Variants in PCNX3 observed in about 807,000 individuals in gnomAD.
The protein encoded by PCNX3 is pecanex-like protein 3.
Under a neutral mutation model 207.2 loss-of-function variants are expected in PCNX3, and 58 were observed. That is an observed-to-expected ratio of 0.28 (90% CI 0.23 to 0.35). The LOEUF (loss-of-function observed/expected upper bound fraction) is 0.35. Ranked by LOEUF, PCNX3 falls within the 10% of genes least tolerant of loss-of-function variation. PCNX3 has a pLI of 1.00. For synonymous variants in PCNX3, 1,337 were observed against 1,183.5 expected (o/e 1.13, Z -2.66); for missense variants, 2,410 against 2,774.4 (o/e 0.87, Z 2.95).
rs779435017 is a variant in PCNX3, at chr11:65,622,382, C to A, written c.2357+16C>A. 6.3e-7 allele frequency: 1 copy of A among 1,585,500 alleles called. No individual in the cohort carries two copies. The highest frequency in any genetic ancestry group is 8.6e-7 in the Non-Finnish European group (1 of 1,168,848). ...TGCTGGACCGGTGAGTGTCCCGCAG[C>A]CTTGGCCCCCAATTCTTGGAAAGCC... On this transcript the variant is annotated intron_variant, in intron 11 of 34. Coordinates refer to ENST00000355703, the MANE Select transcript of PCNX3 (RefSeq NM_032223.4).
intron 8 of PCNX3, among the ~76,000 whole-genome samples, 196 bp from the exon 9 acceptor site, chr11:65,620,143 G>C (rs953994071): frequency 6.6e-6 from 1 of 152,224 alleles, no homozygotes; most frequent in African/African-American, 2.4e-5. Flanking sequence ...GTACAGGGGA[G>C]ATCTAAAGCT....
intron 10 of PCNX3, 111 bp from the exon 11 acceptor site, chr11:65,622,134 G>T (rs1855137628): frequency 1.4e-6 from 2 of 1,462,194 alleles, no homozygotes; most frequent in East Asian, 5.1e-5. Flanking sequence ...CCAGACCGGT[G>T]TGCTGAAGGG....
At chr11:65,619,260 A>T in intron 6 of PCNX3, 193 bp downstream of exon 6, 1 of 343,360 alleles carries the variant, frequency 2.9e-6, no homozygotes, top group Non-Finnish European at 4.1e-6. Context: ...ACCTGGCTCC[A>T]CATCCTTGAT....
intron 10 of PCNX3, 106 bp downstream of exon 10, chr11:65,621,072 G>A (rs967636716): frequency 6.4e-6 from 9 of 1,409,368 alleles, no homozygotes; most frequent in South Asian, 5.7e-5. Context: ...CAGGAGGGAC[G>A]GGCAGTGCTG....
At chr11:65,621,289 AGGG>A (rs1855082977) in intron 10 of PCNX3, among the ~76,000 whole-genome samples, 1 of 152,214 alleles carries the variant, frequency 6.6e-6, no homozygotes, top group South Asian at 2.1e-4. Flanking sequence ...GTTAGCAAGC[AGGG>A]ACCCTGTGAT....
chr11:65,623,035 G>A (rs1855193069), intron 11 of PCNX3, among the ~76,000 whole-genome samples: 1 of 152,160 alleles, frequency 6.6e-6, no homozygotes, highest in Non-Finnish European at 1.5e-5. Context: ...AAATCCAATA[G>A]AGAAGTCAGA....
At chr11:65,630,753 T>G (rs1347315121) in intron 27 of PCNX3, 149 bp downstream of exon 27, 12 of 1,198,522 alleles carry the variant, frequency 1.0e-5, no homozygotes, top group Non-Finnish European at 1.1e-6. Context: ...TCCCCTGAGG[T>G]GCCACTGCCA....
At position 65,625,094 on chromosome 11, in the gene PCNX3, A is replaced by G; in HGVS notation, c.2920-77A>G. The G allele has an allele frequency of 6.4e-7, 1 of 1,555,132 alleles. No individual in the cohort carries two copies. Among genetic ancestry groups the G allele is most frequent in the Non-Finnish European group, 8.8e-7 (1 of 1,139,960 alleles). On this transcript the variant is annotated intron_variant, in intron 16 of 34. Transcript: ENST00000355703. This position sits in a 1 kb window ranked among gnomAD's most constrained non-coding sequence, Gnocchi z 5.6. Reference sequence around the variant, plus strand: ...GGCGGGGCTGTGAACTGGGCTCAGCAGTGGCTTCTCACACGGGGGCAGCCC... The same window carrying G: ...GGCGGGGCTGTGAACTGGGCTCAGCGGTGGCTTCTCACACGGGGGCAGCCC...
At chr11:65,631,320 C>T (rs912974124) in intron 27 of PCNX3, among the ~76,000 whole-genome samples, 2 of 152,104 alleles carry the variant, frequency 1.3e-5, no homozygotes, top group Non-Finnish European at 2.9e-5. Flanking sequence ...TCAGCTTACC[C>T]CTTGAGAAGT....
At chr11:65,627,719 C>A in intron 22 of PCNX3, 137 bp downstream of exon 22, 1 of 1,089,420 alleles carries the variant, frequency 9.2e-7, no homozygotes, top group Non-Finnish European at 1.3e-6. Flanking sequence ...GCAGCAGCCT[C>A]TCAAGGAAGG....
chr11:65,620,252 T>C (rs1855016301), intron 8 of PCNX3, 87 bp from the exon 9 acceptor site: 7 of 1,325,722 alleles, frequency 5.3e-6, no homozygotes, highest in Non-Finnish European at 7.2e-6. Context: ...AGGTTCTGCC[T>C]CATTTGATGG....
intron 12 of PCNX3, 21 bp from the exon 13 acceptor site, chr11:65,623,908 A>C (rs901474700): frequency 6.2e-7 from 1 of 1,612,548 alleles, no homozygotes; most frequent in Non-Finnish European, 8.5e-7. Flanking sequence ...CTAGTTGCCA[A>C]CGTAGCCCTG....
Position 65,618,631 on chromosome 11 carries a change from C to T in PCNX3, c.1269C>T (p.Asp423=). Residue 423 remains aspartate (D), a synonymous_variant, in exon 6 of 35, where the codon GAC becomes GAT. Transcript: ENST00000355703. The part of the protein sequence containing the change: ...LEGGGFFEDE[D]TSEGSELSPA... ...GTGGGGGCTTCTTTGAGGATGAAGA[C>T]ACTAGTGAGGGCAGTGAACTGAGCC... The T allele has an allele frequency of 6.2e-7, 1 of 1,612,998 alleles. No homozygotes were observed.
chr11:65,620,729 C>T lies in PCNX3; in HGVS notation c.2100-102C>T, dbSNP rs568079927. 22 of 1,477,382 alleles carry T rather than the reference C, an allele frequency of 1.5e-5. No homozygotes were observed. The East Asian group carries it at 2.2e-4, about 15-fold the overall frequency. The allele number at this position is 1,477,382 out of a possible 1,614,324, so 91.5% of individuals were successfully genotyped here. ...TTGTCCCTTGAGCCCTGGTTGGTCTCGGCACAGACAGCCCTACCTGCCTGG... is the reference window on the plus strand; with the variant it reads ...TTGTCCCTTGAGCCCTGGTTGGTCTTGGCACAGACAGCCCTACCTGCCTGG... On this transcript the variant is annotated intron_variant, in intron 9 of 34. Coordinates refer to ENST00000355703, the MANE Select transcript of PCNX3 (RefSeq NM_032223.4).
intron 8 of PCNX3, 22 bp from the exon 9 acceptor site, chr11:65,620,317 C>A: frequency 6.2e-7 from 1 of 1,603,404 alleles, no homozygotes; most frequent in Non-Finnish European, 8.5e-7. Context: ...CACGCTGCCT[C>A]ATCTCCCATA....
intron 27 of PCNX3, among the ~76,000 whole-genome samples, chr11:65,632,736 A>T (rs1451365695): frequency 6.7e-6 from 1 of 149,418 alleles, no homozygotes; most frequent in Non-Finnish European, 1.5e-5. Context: ...CCGGTCCCTG[A>T]AGCTTTTCTT....
chr11:65,620,702 A>C lies in PCNX3; in HGVS notation c.2100-129A>C, dbSNP rs1855041169. The C allele has an allele frequency of 9.3e-6, 12 of 1,284,592 alleles. No individual in the cohort carries two copies. The South Asian group carries it at 1.6e-4, about 18-fold the overall frequency. 79.6% of individuals were successfully genotyped at this position (1,284,592 alleles called of 1,614,324 possible). ...GGCACTTCTGCCACCTGACCCCAGC[A>C]CTTGTCCCTTGAGCCCTGGTTGGTC... On this transcript the variant is annotated intron_variant, in intron 9 of 34. Coordinates refer to ENST00000355703, the MANE Select transcript of PCNX3 (RefSeq NM_032223.4).
rs531989409 is a variant in PCNX3, at chr11:65,635,866, C to G, written c.5459+63C>G. On this transcript the variant is annotated intron_variant, in intron 32 of 34. Transcript: ENST00000355703. The surrounding 1 kb of genome is among the most constrained non-coding windows in gnomAD (Gnocchi z 9.9). Reference sequence around the variant, plus strand: ...GAAGCTGAGGTGCAGTACGTCCCTCCTGGGTCTCAGAGGGAGGACGTGCTG... The same window carrying G: ...GAAGCTGAGGTGCAGTACGTCCCTCGTGGGTCTCAGAGGGAGGACGTGCTG... The G allele has an allele frequency of 2.0e-6, 3 of 1,523,378 alleles. No homozygotes were observed. The African/African-American group carries it at 4.1e-5, about 21-fold the overall frequency. The allele number at this position is 1,523,378 out of a possible 1,614,324, so 94.4% of individuals were successfully genotyped here.
Position 65,629,414 on chromosome 11 carries a change from T to G in PCNX3, c.3999T>G (p.Pro1333=), listed in dbSNP as rs757289428. The G allele has an allele frequency of 6.2e-7, 1 of 1,612,080 alleles. No individual in the cohort carries two copies. The highest frequency in any genetic ancestry group is 8.5e-7 in the Non-Finnish European group (1 of 1,179,050). Residue 1333 remains proline (P), a splice_region_variant and synonymous_variant, in exon 25 of 35, where the codon CCT becomes CCG. Coordinates refer to ENST00000355703, the MANE Select transcript of PCNX3 (RefSeq NM_032223.4). ...TRLVTQLDRN[P]GADDNNLNSI... ...TGGTCACACAGCTGGACAGGAACCC[T>G]GGTGTGTACCCAGCCATCCAAGGGG... is the stretch of plus-strand genomic sequence containing the variant.
Sources: gnomAD v4.1 joint callset for allele counts (sites outside exome capture counted in the v4.1 genomes callset) on GRCh38, gnomAD v4.1.1 for gene constraint, Gnocchi (gnomAD v3.1) non-coding constraint, MANE v1.5 for transcripts, NCBI Gene and HGNC (gene_info 2026-07-23, HGNC 2026-07-21) for gene names.